The following IQSEC1 variants were observed in gnomAD, a reference collection of about 807,000 sequenced individuals.
The protein encoded by IQSEC1 is IQ motif and Sec7 domain ArfGEF 1.
IQSEC1 carries 31 observed loss-of-function variants against 91.0 expected under a neutral mutation model. The observed-to-expected ratio is 0.34, with a 90% CI of 0.26 to 0.46. The LOEUF is 0.46. IQSEC1 is among the 20% of genes least tolerant of loss of function. The probability of loss-of-function intolerance (pLI) is 1.00; values close to 1 mark genes in which losing one functional copy is unlikely to be tolerated. For missense variants in IQSEC1, 1,388 were observed against 1,575.6 expected (o/e 0.88, Z 2.02); for synonymous variants, 699 against 662.6 (o/e 1.05, Z -0.84).
chr3:12,926,275 A>G (rs1211177102), intron 3 of IQSEC1, among the ~76,000 whole-genome samples: 2 of 150,238 alleles, frequency 1.3e-5, no homozygotes, highest in Non-Finnish European at 3.0e-5. Context: ...GTACCACTAC[A>G]CTCCAGCCTG....
intron 1 of IQSEC1, among the ~76,000 whole-genome samples, chr3:13,001,805 T>C (rs531816909): frequency 4.7e-4 from 71 of 152,322 alleles, no homozygotes; most frequent in Non-Finnish European, 9.0e-4. Flanking sequence ...ACGCCTGTAA[T>C]CCCAGCACTT....
intron 2 of IQSEC1, among the ~76,000 whole-genome samples, chr3:13,096,470 C>T (rs992834104): frequency 6.6e-6 from 1 of 152,206 alleles, no homozygotes; most frequent in Non-Finnish European, 1.5e-5. Flanking sequence ...GATTCGCAGT[C>T]TAGCAAGAAT....
rs149564893 is a variant in IQSEC1 at position 13,179,788 on chromosome 3, G to A, written c.273-15655C>T. On this transcript the variant is annotated intron_variant, in intron 1 of 15. Transcript: ENST00000648114. ...GCGGGCGGGAACCGGGGCTATGCAC[G>A]GTGCTTGCGGGCCAGCGCGAGTTCC... Among the ~76,000 whole-genome samples, 923 of 152,360 alleles carry A rather than the reference G, an allele frequency of 6.1e-3. 8 individuals carry two copies. The highest frequency in any genetic ancestry group is 0.021 in the African/African-American group (891 of 41,584).
intron 2 of IQSEC1, among the ~76,000 whole-genome samples, chr3:13,116,659 G>A (rs935636913): frequency 9.2e-5 from 14 of 152,100 alleles, no homozygotes; most frequent in African/African-American, 3.1e-4. Context: ...TCAGCACTTC[G>A]GGAGGCCAAG....
intron 1 of IQSEC1, among the ~76,000 whole-genome samples, chr3:13,069,457 C>A (rs1705343084): frequency 6.6e-6 from 1 of 152,200 alleles, no homozygotes. Context: ...CTAGGGGAGA[C>A]CCACCAGGGC....
At chr3:13,053,053 G>C in intron 1 of IQSEC1, 1 of 1,092,934 alleles carries the variant, frequency 9.1e-7, no homozygotes, top group South Asian at 1.2e-5. Context: ...ATCCACGGGG[G>C]AATGGGACGA....
intron 2 of IQSEC1, among the ~76,000 whole-genome samples, chr3:13,106,420 C>T (rs1371309705): frequency 1.3e-5 from 2 of 152,140 alleles, no homozygotes; most frequent in Non-Finnish European, 2.9e-5. Flanking sequence ...GTCTCTGTTC[C>T]GAGCACTTGC....
Position 13,082,947 on chromosome 3 carries a change from G to C in IQSEC1, c.303-35425C>G, listed in dbSNP as rs993136763. ...GAATGCTCTTCCTCCCACACTCACT[G>C]CTGGCTCCTTCTTGTGGCTCCAGGC... On this transcript the variant is annotated intron_variant, in intron 2 of 15. Coordinates refer to the IQSEC1 transcript ENST00000648114. Among the ~76,000 whole-genome samples, 5 of 152,190 alleles carry C rather than the reference G, an allele frequency of 3.3e-5. No homozygotes were observed. In the South Asian group the frequency reaches 1.0e-3, roughly 31 times the overall value.
chr3:13,056,144 TGTGTCG>T (rs1704872529), intron 1 of IQSEC1, among the ~76,000 whole-genome samples: 1 of 152,158 alleles, frequency 6.6e-6, no homozygotes, highest in Admixed American at 6.5e-5. Flanking sequence ...ACCAAGCCTG[TGTGTCG>T]GTGTCCTGTG....
At chr3:13,109,943 C>T (rs543544630) in intron 2 of IQSEC1, among the ~76,000 whole-genome samples, 3 of 140,760 alleles carry the variant, frequency 2.1e-5, no homozygotes, top group East Asian at 2.1e-4. Flanking sequence ...AGTGCAGTGG[C>T]GTGATCTCGG....
chr3:13,032,973 G>A (rs781331216), intron 1 of IQSEC1, among the ~76,000 whole-genome samples: 8 of 152,188 alleles, frequency 5.3e-5, no homozygotes, highest in African/African-American at 9.7e-5. Context: ...CGAGGGCCTC[G>A]GGGCCTGGAA....
chr3:13,262,442 G>C (rs1559288792), intron 1 of IQSEC1, among the ~76,000 whole-genome samples: 1 of 152,166 alleles, frequency 6.6e-6, no homozygotes, highest in Non-Finnish European at 1.5e-5. Context: ...CACTGCCACA[G>C]TTTCCTGGTC....
chr3:13,187,683 A>G (rs1693957848), intron 1 of IQSEC1, among the ~76,000 whole-genome samples: 1 of 152,148 alleles, frequency 6.6e-6, no homozygotes, highest in Non-Finnish European at 1.5e-5. Flanking sequence ...GGTCCTGACT[A>G]TCTTAGTCCA....
At chr3:13,084,287 G>A (rs1377954155) in intron 2 of IQSEC1, among the ~76,000 whole-genome samples, 1 of 151,788 alleles carries the variant, frequency 6.6e-6, no homozygotes, top group Non-Finnish European at 1.5e-5. Flanking sequence ...CACTACATAG[G>A]TGGTGTGGAG....
At chr3:13,272,452 G>A (rs374080990) in intron 1 of IQSEC1, among the ~76,000 whole-genome samples, 1 of 152,224 alleles carries the variant, frequency 6.6e-6, no homozygotes, top group African/African-American at 2.4e-5. Flanking sequence ...CAGCCCTGCA[G>A]GATCGTCTGG....
chr3:13,084,344 T>A lies in IQSEC1; in HGVS notation c.303-36822A>T, dbSNP rs1183093233. On this transcript the variant is annotated intron_variant, in intron 2 of 15. Transcript: ENST00000648114. ...TCCACACCCCACATCCCCCCTGACA[T>A]ACTCAGCTCAAAGCCTGTGTCCGGA... Among the ~76,000 whole-genome samples, 24 of 152,112 alleles carry A rather than the reference T, an allele frequency of 1.6e-4. 1 individual carries two copies.
At chr3:13,025,846 G>T (rs1318562636) in intron 1 of IQSEC1, among the ~76,000 whole-genome samples, 1 of 152,178 alleles carries the variant, frequency 6.6e-6, no homozygotes, top group African/African-American at 2.4e-5. Context: ...CCAGGGTGGG[G>T]TGGGCAAGGC....
In IQSEC1 at chr3:12,913,502, C is replaced by A; in HGVS notation, c.2242G>T (p.Val748Phe). The A allele has an allele frequency of 1.2e-6, 2 of 1,608,476 alleles. No homozygotes were observed. The highest frequency in any genetic ancestry group is 1.7e-6 in the Non-Finnish European group (2 of 1,176,506). ...RLVCYCRLFE[V>F]PDPNKPQKLG... Reference sequence around the variant, plus strand: ...TTCTGGGGCTTGTTTGGGTCTGGAACCTCAAAGAGCCGGCAGTAGCAGACC... The same window carrying A: ...TTCTGGGGCTTGTTTGGGTCTGGAAACTCAAAGAGCCGGCAGTAGCAGACC... Residue 748 changes from valine (V) to phenylalanine (F), a missense_variant, in exon 9 of 14, where the codon GTT becomes TTT. This residue lies in a region of IQSEC1 where 1,059 missense variants were observed against 1,317.8 expected (regional missense o/e 0.80). Transcript: ENST00000613206.
At chr3:13,222,299 C>T (rs1433983354) in intron 1 of IQSEC1, among the ~76,000 whole-genome samples, 7 of 152,224 alleles carry the variant, frequency 4.6e-5, no homozygotes, top group African/African-American at 7.2e-5. Flanking sequence ...CCTGTTGCAG[C>T]GCAGCACAGA....
Sources: gnomAD v4.1 joint callset for allele counts (sites outside exome capture counted in the v4.1 genomes callset) on GRCh38, gnomAD v4.1.1 for gene constraint, gnomAD v4.1.1 regional missense constraint, MANE v1.5 for transcripts, NCBI Gene and HGNC (gene_info 2026-07-23, HGNC 2026-07-21) for gene names.